SDK1: variants seen among roughly 807,000 people sequenced by gnomAD.
SDK1 encodes the protein protein sidekick-1.
Under a neutral mutation model 245.5 loss-of-function variants are expected in SDK1, and 157 were observed. That is an observed-to-expected ratio of 0.64 (90% CI 0.56 to 0.73). The LOEUF (loss-of-function observed/expected upper bound fraction) is 0.73, where lower values mean the gene tolerates loss of function less well. Among genes scored for constraint, SDK1 ranks in the 30% least tolerant of loss-of-function variants. SDK1 has a pLI of 0.00. For synonymous variants in SDK1, 1,647 were observed against 1,278.5 expected (o/e 1.29, Z -6.15); for missense variants, 3,583 against 3,002.3 (o/e 1.19, Z -4.52).
intron 1 of SDK1, among the ~76,000 whole-genome samples, chr7:3,483,208 G>A (rs971031473): frequency 6.6e-6 from 1 of 152,174 alleles, no homozygotes; most frequent in African/African-American, 2.4e-5. Flanking sequence ...CATCTTTACA[G>A]TATTGAGTCC....
intron 1 of SDK1, among the ~76,000 whole-genome samples, chr7:3,430,908 G>C (rs577664413): frequency 4.5e-4 from 69 of 152,082 alleles, no homozygotes; most frequent in Non-Finnish European, 7.9e-4. Flanking sequence ...TTTTTTGTTC[G>C]TTTGTGTTTT....
intron 22 of SDK1, among the ~76,000 whole-genome samples, chr7:4,085,952 A>G (rs772963264): frequency 6.6e-6 from 1 of 152,206 alleles, no homozygotes; most frequent in Non-Finnish European, 1.5e-5. Flanking sequence ...TTAAAAAGTG[A>G]CATTCACAGA....
intron 22 of SDK1, among the ~76,000 whole-genome samples, chr7:4,084,413 C>T (rs1383623692): frequency 6.6e-6 from 1 of 152,146 alleles, no homozygotes; most frequent in Non-Finnish European, 1.5e-5. Context: ...TATCCTGGGG[C>T]TCCGGCATGA....
chr7:3,391,582 G>A (rs77069138), intron 1 of SDK1, among the ~76,000 whole-genome samples: 6,969 of 151,432 alleles, frequency 0.046, 501 homozygotes, highest in African/African-American at 0.15. Context: ...ATGTACAGTG[G>A]CACTGGCTTT....
chr7:3,397,864 A>T (rs1778763781), intron 1 of SDK1, among the ~76,000 whole-genome samples: 1 of 152,054 alleles, frequency 6.6e-6, no homozygotes, highest in African/African-American at 2.4e-5. Context: ...TATTAATCAT[A>T]GTTATGAATT....
At position 3,949,427 on chromosome 7, in the gene SDK1, C is replaced by G. The variant is rs1425276356; in HGVS notation, c.848-1496C>G. On this transcript the variant is annotated intron_variant, in intron 5 of 44. Coordinates refer to ENST00000404826, the MANE Select transcript of SDK1 (RefSeq NM_152744.4). ...GATGAGAAGCCCGTCGTCTCTTTCC[C>G]GTTGTTCTCTCTCCGCGGCCCTCAC... Among the ~76,000 whole-genome samples the G allele has an allele frequency of 2.6e-5, 4 of 152,320 alleles. No individual in the cohort carries two copies. In the South Asian group the frequency reaches 8.3e-4, roughly 32 times the overall value.
At chr7:3,424,907 T>G (rs1779634324) in intron 1 of SDK1, among the ~76,000 whole-genome samples, 1 of 151,956 alleles carries the variant, frequency 6.6e-6, no homozygotes, top group African/African-American at 2.4e-5. Flanking sequence ...AAAAAACAAA[T>G]ATTTTTCATC....
chr7:3,621,682 C>T (rs980294115), intron 2 of SDK1, among the ~76,000 whole-genome samples: 4 of 152,186 alleles, frequency 2.6e-5, no homozygotes, highest in African/African-American at 9.7e-5. Context: ...AGTGGTTTCT[C>T]CTCCATCCCA....
intron 4 of SDK1, among the ~76,000 whole-genome samples, chr7:3,733,526 G>T (rs1779237618): frequency 6.6e-6 from 1 of 152,174 alleles, no homozygotes. Flanking sequence ...GCTGAGCAGT[G>T]AGTGACTGTA....
At chr7:3,428,146 C>T (rs1779728884) in intron 1 of SDK1, among the ~76,000 whole-genome samples, 1 of 152,160 alleles carries the variant, frequency 6.6e-6, no homozygotes. Context: ...TGCACAGTGA[C>T]CAATCACTGA....
At chr7:3,361,221 G>C (rs7805263) in intron 1 of SDK1, among the ~76,000 whole-genome samples, 53,288 of 152,094 alleles carry the variant, frequency 0.35, 11,670 homozygotes, top group African/African-American at 0.62. Context: ...TGAAACGGGA[G>C]GATTGCACTC....
At chr7:4,007,761 G>A (rs757523381) in intron 14 of SDK1, among the ~76,000 whole-genome samples, 3 of 150,746 alleles carry the variant, frequency 2.0e-5, no homozygotes, top group South Asian at 2.1e-4. Context: ...CTGCCACCAC[G>A]CCCGGCTAAT....
At chr7:3,791,377 C>A (rs1040679799) in intron 4 of SDK1, among the ~76,000 whole-genome samples, 2 of 152,142 alleles carry the variant, frequency 1.3e-5, no homozygotes, top group Non-Finnish European at 2.9e-5. Context: ...TTACAAGAAG[C>A]TGAGGCAGAA....
At chr7:4,165,011 AT>A (rs1213122868) in intron 32 of SDK1, among the ~76,000 whole-genome samples, 1 of 152,244 alleles carries the variant, frequency 6.6e-6, no homozygotes, top group Non-Finnish European at 1.5e-5. Flanking sequence ...ATAGATTTGC[AT>A]TCCAAATAAA....
chr7:4,089,301 G>A lies in SDK1; in HGVS notation c.3324+9717G>A, dbSNP rs142091509. Among the ~76,000 whole-genome samples the A allele has an allele frequency of 6.7e-3, 1,017 of 152,350 alleles. 12 individuals carry two copies. Among genetic ancestry groups the A allele is most frequent in the African/African-American group, 0.012 (488 of 41,572 alleles). ...CCTGCCACACGTTGTGGGTGTGGAG[G>A]CGCCCAGACCCCGACTCAGTTCATC... is the stretch of plus-strand genomic sequence containing the variant. On this transcript the variant is annotated intron_variant, in intron 22 of 44. Transcript: ENST00000404826.
At chr7:4,167,669 G>A (rs1781578917) in intron 32 of SDK1, among the ~76,000 whole-genome samples, 1 of 152,362 alleles carries the variant, frequency 6.6e-6, no homozygotes, top group African/African-American at 2.4e-5. Context: ...GCCTGGCCCA[G>A]GTGCTCTGGG....
intron 1 of SDK1, among the ~76,000 whole-genome samples, chr7:3,344,416 A>G (rs1380662473): frequency 6.6e-6 from 1 of 152,214 alleles, no homozygotes; most frequent in African/African-American, 2.4e-5. Flanking sequence ...TAGTTGTATA[A>G]GAAAATTCCG....
At position 4,220,123 on chromosome 7, in the gene SDK1, G is replaced by A. The variant is rs1414758172; in HGVS notation, c.5554G>A (p.Val1852Met). 3 of 1,614,018 alleles carry A rather than the reference G, an allele frequency of 1.9e-6. No individual in the cohort carries two copies. Among genetic ancestry groups the A allele is most frequent in the Admixed American group, 3.3e-5 (2 of 60,016 alleles). Residue 1852 changes from valine (V) to methionine (M), a missense_variant, in exon 39 of 45, where the codon GTG (valine) becomes ATG (methionine). Coordinates refer to ENST00000404826, the MANE Select transcript of SDK1 (RefSeq NM_152744.4). ...GGCGGCTGCAGGGGTGAGCAAGGTG[G>A]TGACCGTGGAAGTGAGAGGGAACTG... is the stretch of plus-strand genomic sequence containing the variant. The part of the protein sequence containing the change: ...LAPVQGVSKV[V>M]TVEVRGNWQR...
intron 4 of SDK1, among the ~76,000 whole-genome samples, chr7:3,685,940 T>C (rs1429439372): frequency 6.6e-6 from 1 of 152,034 alleles, no homozygotes; most frequent in Non-Finnish European, 1.5e-5. Flanking sequence ...AATATACCAA[T>C]TAAAATACCT....
Sources: allele counts gnomAD v4.1 joint callset (sites outside exome capture counted in the v4.1 genomes callset), GRCh38; gene constraint gnomAD v4.1.1; transcripts MANE v1.5; gene names NCBI Gene and HGNC (gene_info 2026-07-23, HGNC 2026-07-21).